The following SLC22A16 variants were observed in gnomAD, a reference collection of about 807,000 sequenced individuals.
SLC22A16 encodes the protein WUGSC:RG331P03.1.
In SLC22A16, 53 loss-of-function variants were observed where a neutral mutation model predicts 52.9. The ratio of observed to expected loss-of-function variants is 1.00; its 90% confidence interval spans 0.80 to 1.26. The LOEUF (loss-of-function observed/expected upper bound fraction) is 1.26. SLC22A16 is among the 50% of genes most tolerant of loss of function. SLC22A16 has a pLI of 0.00. For missense variants in SLC22A16, 726 were observed against 704.0 expected (o/e 1.03, Z -0.35); for synonymous variants, 291 against 268.8 (o/e 1.08, Z -0.81).
intron 7 of SLC22A16, 89 bp downstream of exon 7, chr6:110,431,082 T>C: frequency 9.3e-7 from 1 of 1,078,114 alleles, no homozygotes; most frequent in Non-Finnish European, 1.4e-6. Context: ...TGTACTGGCT[T>C]TCAGTAAATA....
chr6:110,464,685 C>T (rs569802895), intron 1 of SLC22A16, among the ~76,000 whole-genome samples: 21 of 152,002 alleles, frequency 1.4e-4, no homozygotes, highest in Non-Finnish European at 2.5e-4. Flanking sequence ...CAGGACCAGA[C>T]GGATTCACAG....
intron 2 of SLC22A16, among the ~76,000 whole-genome samples, chr6:110,454,529 A>G (rs1038248299): frequency 2.3e-5 from 3 of 129,086 alleles, no homozygotes; most frequent in Non-Finnish European, 4.7e-5. Context: ...TTATTCCTTT[A>G]CTTTCTTAAT....
At chr6:110,431,623 T>C (rs1232415431) in intron 6 of SLC22A16, among the ~76,000 whole-genome samples, 1 of 152,168 alleles carries the variant, frequency 6.6e-6, no homozygotes, top group African/African-American at 2.4e-5. Context: ...TTTGTGTAAG[T>C]TCACTCTATG....
chr6:110,445,001 A>G (rs1775113017), intron 3 of SLC22A16, among the ~76,000 whole-genome samples: 1 of 152,194 alleles, frequency 6.6e-6, no homozygotes, highest in African/African-American at 2.4e-5. Flanking sequence ...TCCATATACA[A>G]CTAACTCCAA....
At position 110,476,585 on chromosome 6, in the gene SLC22A16, T is replaced by C. The variant is rs1458381953; in HGVS notation, c.-11A>G. ...GTGGCGGGACCCCATGGTGCGGCCG[T>C]GCACTGGGCGCCGAGTTAGCCGAGC... On this transcript the variant is annotated 5_prime_UTR_variant, in exon 1 of 8. Transcript: ENST00000368919. The C allele has an allele frequency of 1.6e-5, 25 of 1,524,190 alleles. No homozygotes were observed. The highest frequency in any genetic ancestry group is 4.0e-5 in the Admixed American group (2 of 49,400). The allele number at this position is 1,524,190 out of a possible 1,614,324, so 94.4% of individuals were successfully genotyped here. A position where few individuals can be genotyped will look rare whatever the true frequency, so the allele number is the denominator to read the frequency against.
chr6:110,452,046 A>G (rs549337171), intron 2 of SLC22A16, among the ~76,000 whole-genome samples: 4 of 152,264 alleles, frequency 2.6e-5, no homozygotes, highest in South Asian at 2.1e-4. Flanking sequence ...TAAAATGCCT[A>G]TGTGTCTATA....
intron 1 of SLC22A16, among the ~76,000 whole-genome samples, chr6:110,460,694 T>G (rs1260142718): frequency 6.6e-6 from 1 of 152,194 alleles, no homozygotes; most frequent in Non-Finnish European, 1.5e-5. Context: ...GTTGTGCACC[T>G]GTTCTGAGCC....
At position 110,455,493 on chromosome 6, in the gene SLC22A16, C is replaced by T. The variant is rs192366358; in HGVS notation, c.533+1045G>A. Reference sequence around the variant, plus strand: ...CAAGGGCAGGGATTTCTGATCTAAGCTATTGTCTTTAGGTCCTCAGTGCCC... The same window carrying T: ...CAAGGGCAGGGATTTCTGATCTAAGTTATTGTCTTTAGGTCCTCAGTGCCC... On this transcript the variant is annotated intron_variant, in intron 2 of 7. Transcript: ENST00000368919. The T allele has an allele frequency of 1.1e-4, 17 of 152,212 alleles. No homozygotes were observed. The East Asian group carries it at 3.1e-3, about 28-fold the overall frequency. The allele number at this position is 152,212 out of a possible 1,614,324, so 9.4% of individuals were successfully genotyped here. A position where few individuals can be genotyped will look rare whatever the true frequency, so the allele number is the denominator to read the frequency against.
intron 3 of SLC22A16, 74 bp downstream of exon 3, chr6:110,446,799 G>A: frequency 1.5e-6 from 2 of 1,339,246 alleles, no homozygotes; most frequent in Non-Finnish European, 2.1e-6. Context: ...GATCTTAAAT[G>A]AGCAAAATGA....
intron 1 of SLC22A16, among the ~76,000 whole-genome samples, chr6:110,469,707 G>A (rs185158967): frequency 2.0e-5 from 3 of 152,008 alleles, no homozygotes; most frequent in Non-Finnish European, 4.4e-5. Flanking sequence ...AAATAAAGTG[G>A]GAAATTAATC....
chr6:110,465,621 C>T (rs1776034555), intron 1 of SLC22A16, among the ~76,000 whole-genome samples: 1 of 152,072 alleles, frequency 6.6e-6, no homozygotes, highest in South Asian at 2.1e-4. Context: ...CTACAAAACA[C>T]TAATGAAAGA....
chr6:110,454,609 T>C (rs1367438357), intron 2 of SLC22A16, among the ~76,000 whole-genome samples: 1 of 87,714 alleles, frequency 1.1e-5, no homozygotes, highest in Non-Finnish European at 2.0e-5. Flanking sequence ...ATATATTATA[T>C]ATTTTATATA....
At chr6:110,439,975 G>C (rs1021057278) in intron 4 of SLC22A16, 1 of 152,182 alleles carries the variant, frequency 6.6e-6, no homozygotes, top group Non-Finnish European at 1.5e-5. Context: ...TAAAAGGGAA[G>C]CAACTTACAA....
intron 4 of SLC22A16, among the ~76,000 whole-genome samples, chr6:110,441,665 A>T (rs1774971278): frequency 1.3e-5 from 2 of 152,202 alleles, no homozygotes; most frequent in South Asian, 4.1e-4. Flanking sequence ...TTGTAGAAAA[A>T]TGCCTGGGAA....
intron 1 of SLC22A16, among the ~76,000 whole-genome samples, chr6:110,459,752 C>T (rs894159972): frequency 7.2e-5 from 11 of 152,074 alleles, no homozygotes; most frequent in African/African-American, 2.7e-4. Flanking sequence ...TCTGTACTAT[C>T]TGTGTAACTT....
chr6:110,476,217 GCCA>G (rs548131902), intron 1 of SLC22A16: 5 of 26,568 alleles, frequency 1.9e-4, no homozygotes, highest in South Asian at 7.7e-4. Context: ...CAGATCTCCA[GCCA>G]GATGCCTCCA....
intron 3 of SLC22A16, among the ~76,000 whole-genome samples, chr6:110,446,054 G>C (rs962303947): frequency 6.6e-6 from 1 of 151,968 alleles, no homozygotes; most frequent in Non-Finnish European, 1.5e-5. Context: ...TCTCTGAGGG[G>C]GTGCAGAGAG....
At position 110,432,519 on chromosome 6, in the gene SLC22A16, T is replaced by G. The variant is rs533502353; in HGVS notation, c.1422-1249A>C. ...CATGGATCTGGTCCAATCTGAATTC[T>G]GAACTGGGAAAATCTGAAGCTTTTC... On this transcript the variant is annotated intron_variant, in intron 6 of 7. Coordinates refer to ENST00000368919, the MANE Select transcript of SLC22A16 (RefSeq NM_033125.4). Among the ~76,000 whole-genome samples the G allele has an allele frequency of 2.0e-5, 3 of 152,328 alleles. No individual in the cohort carries two copies. The South Asian group carries it at 6.2e-4, about 32-fold the overall frequency.
intron 1 of SLC22A16, among the ~76,000 whole-genome samples, chr6:110,473,491 CTTTTTTTTTTTTTTTTTTTTTTTTTTTTT>C (rs763478181): frequency 3.2e-4 from 23 of 71,968 alleles, no homozygotes; most frequent in African/African-American, 7.9e-4. Context: ...CCTGTTTTCC[CTTTTTTTTTTTTTTTTTTTTTTTTTTTTT>C]TTTTTTTTTT....
Sources: gnomAD v4.1 joint callset for allele counts (sites outside exome capture counted in the v4.1 genomes callset) on GRCh38, gnomAD v4.1.1 for gene constraint, MANE v1.5 for transcripts, NCBI Gene and HGNC (gene_info 2026-07-23, HGNC 2026-07-21) for gene names.